Variants in KCNIP4 observed in about 807,000 individuals in gnomAD.
KCNIP4 encodes potassium voltage-gated channel interacting protein 4.
KCNIP4 carries 12 observed loss-of-function variants against 34.0 expected under a neutral mutation model. The ratio of observed to expected loss-of-function variants is 0.35; its 90% CI spans 0.23 to 0.57. The LOEUF is 0.57. Among genes scored for constraint, KCNIP4 ranks in the 20% least tolerant of loss-of-function variants. The pLI, the probability that KCNIP4 is intolerant of heterozygous loss-of-function variation, is 0.83. For missense variants in KCNIP4, 238 were observed against 311.7 expected (o/e 0.76, Z 1.78); for synonymous variants, 124 against 102.2 (o/e 1.21, Z -1.29).
intron 3 of KCNIP4, among the ~76,000 whole-genome samples, chr4:20,785,331 T>TC (rs201379022): frequency 6.7e-6 from 1 of 148,582 alleles, no homozygotes; most frequent in African/African-American, 2.4e-5. Flanking sequence ...TTTTTTTCTT[T>TC]TTTTTTTTTT....
Position 21,182,891 on chromosome 4 carries a change from A to T in KCNIP4, c.62-300182T>A, listed in dbSNP as rs150604267. Among the ~76,000 whole-genome samples the T allele has an allele frequency of 2.0e-5, 3 of 152,220 alleles. No individual in the cohort carries two copies. In the East Asian group the frequency reaches 5.8e-4, roughly 29 times the overall value. ...TTTGTACTGAGAACATTAAAAATCT[A>T]CTCAGCAATTTTCAAAAATATGTTA... On this transcript the variant is annotated intron_variant, in intron 1 of 8. Transcript: ENST00000382152.
intron 1 of KCNIP4, among the ~76,000 whole-genome samples, chr4:21,771,508 CA>C (rs1718786243): frequency 6.6e-6 from 1 of 152,100 alleles, no homozygotes; most frequent in Non-Finnish European, 1.5e-5. Context: ...ATGGGAATAG[CA>C]TTGAATCTAT....
chr4:21,677,944 GT>G (rs1246259231), intron 1 of KCNIP4, among the ~76,000 whole-genome samples: 1 of 152,108 alleles, frequency 6.6e-6, no homozygotes, highest in Non-Finnish European at 1.5e-5. Context: ...TAGAGACGGG[GT>G]TTCGCCATGT....
intron 3 of KCNIP4, among the ~76,000 whole-genome samples, chr4:20,837,249 G>T (rs1246433516): frequency 6.6e-6 from 1 of 152,058 alleles, no homozygotes; most frequent in Non-Finnish European, 1.5e-5. Context: ...CTCCTCCCTT[G>T]TATTTTCCTG....
chr4:21,500,759 A>G (rs1396904892), intron 1 of KCNIP4, among the ~76,000 whole-genome samples: 1 of 152,194 alleles, frequency 6.6e-6, no homozygotes, highest in Non-Finnish European at 1.5e-5. Context: ...TAGACTTAAA[A>G]TATCACTTGG....
At chr4:21,744,780 T>A (rs957379411) in intron 1 of KCNIP4, among the ~76,000 whole-genome samples, 1 of 152,210 alleles carries the variant, frequency 6.6e-6, no homozygotes, top group Non-Finnish European at 1.5e-5. Flanking sequence ...TGAATGCATC[T>A]TATCAACATA....
At chr4:20,962,761 T>C (rs768797900) in intron 1 of KCNIP4, among the ~76,000 whole-genome samples, 1 of 152,186 alleles carries the variant, frequency 6.6e-6, no homozygotes, top group Non-Finnish European at 1.5e-5. Context: ...GAAAAATGTA[T>C]AGATGAGCGA....
At chr4:21,930,995 A>G (rs1236296167) in intron 1 of KCNIP4, among the ~76,000 whole-genome samples, 1 of 152,142 alleles carries the variant, frequency 6.6e-6, no homozygotes, top group African/African-American at 2.4e-5. Context: ...GACAAACTCT[A>G]AACTCATGGA....
chr4:20,873,902 G>C (rs945976439), intron 2 of KCNIP4, among the ~76,000 whole-genome samples: 1 of 152,132 alleles, frequency 6.6e-6, no homozygotes, highest in African/African-American at 2.4e-5. Flanking sequence ...GAAGTACCTA[G>C]AATGCTCCTC....
chr4:21,380,334 C>A (rs1170939959), intron 1 of KCNIP4, among the ~76,000 whole-genome samples: 1 of 151,098 alleles, frequency 6.6e-6, no homozygotes, highest in Admixed American at 6.6e-5. Flanking sequence ...TAAAAACAGC[C>A]TCAACAACTG....
chr4:20,894,449 A>G (rs11725542), intron 1 of KCNIP4, among the ~76,000 whole-genome samples: 62,248 of 151,996 alleles, frequency 0.41, 13,487 homozygotes, highest in East Asian at 0.58. Flanking sequence ...TGTTCATTTT[A>G]TGACTGGCCC....
chr4:21,686,963 T>C (rs1750849437), intron 1 of KCNIP4, among the ~76,000 whole-genome samples: 2 of 148,812 alleles, frequency 1.3e-5, no homozygotes, highest in South Asian at 2.2e-4. Context: ...ATGTGGCACA[T>C]ATACACCATG....
At chr4:21,536,199 G>C (rs1386929444) in intron 1 of KCNIP4, among the ~76,000 whole-genome samples, 1 of 152,126 alleles carries the variant, frequency 6.6e-6, no homozygotes, top group East Asian at 1.9e-4. Flanking sequence ...GAGCATAAAT[G>C]TCAACATTTA....
chr4:21,538,500 C>T (rs1737410978), intron 1 of KCNIP4, among the ~76,000 whole-genome samples: 1 of 152,140 alleles, frequency 6.6e-6, no homozygotes. Flanking sequence ...CAGTGTGTTG[C>T]TTCTTTTCTA....
chr4:20,827,991 T>C (rs1484846020), intron 3 of KCNIP4, among the ~76,000 whole-genome samples: 1 of 152,198 alleles, frequency 6.6e-6, no homozygotes, highest in Non-Finnish European at 1.5e-5. Flanking sequence ...ATATATAGGC[T>C]GGGAGACCAC....
At chr4:21,546,843 C>T (rs750947483) in intron 1 of KCNIP4, among the ~76,000 whole-genome samples, 16 of 151,992 alleles carry the variant, frequency 1.1e-4, no homozygotes, top group Non-Finnish European at 1.6e-4. Flanking sequence ...TCTGGGTTGA[C>T]GTTTCTGGTA....
intron 3 of KCNIP4, among the ~76,000 whole-genome samples, chr4:20,791,953 C>T (rs542111213): frequency 8.5e-5 from 13 of 152,298 alleles, no homozygotes; most frequent in African/African-American, 2.9e-4. Context: ...CCAGTCTACC[C>T]TGCCCATATT....
At chr4:20,804,981 G>C (rs939638077) in intron 3 of KCNIP4, among the ~76,000 whole-genome samples, 2 of 152,022 alleles carry the variant, frequency 1.3e-5, no homozygotes, top group Non-Finnish European at 2.9e-5. Context: ...GAGCAGAGTC[G>C]TGATTCTGGT....
At chr4:21,564,409 G>A (rs1032061969) in intron 1 of KCNIP4, among the ~76,000 whole-genome samples, 26 of 152,070 alleles carry the variant, frequency 1.7e-4, no homozygotes, top group Non-Finnish European at 3.2e-4. Context: ...AGGTGGAAAA[G>A]AACTCACACA....
Sources: allele counts gnomAD v4.1 joint callset (sites outside exome capture counted in the v4.1 genomes callset), GRCh38; gene constraint gnomAD v4.1.1; transcripts MANE v1.5; gene names NCBI Gene and HGNC (gene_info 2026-07-23, HGNC 2026-07-21).